The following GABRR1 variants were observed in gnomAD, a reference collection of about 807,000 sequenced individuals.
The protein encoded by GABRR1 is gamma-aminobutyric acid type A receptor subunit rho1, also known as gamma-aminobutyric acid receptor subunit rho-1.
In GABRR1, 59 loss-of-function variants were observed where a neutral mutation model predicts 55.5. The ratio of observed to expected loss-of-function variants is 1.06; its 90% confidence interval spans 0.86 to 1.32. The LOEUF is 1.32. Ranked by LOEUF, GABRR1 falls within the 40% of genes most tolerant of loss-of-function variation. The probability of loss-of-function intolerance (pLI) is 0.00; values close to 1 mark genes in which losing one functional copy is unlikely to be tolerated. For missense variants in GABRR1, 602 were observed against 619.1 expected (o/e 0.97, Z 0.29); for synonymous variants, 213 against 226.0 (o/e 0.94, Z 0.51).
chr6:89,214,414 T>G (rs1241509621), intron 1 of GABRR1, among the ~76,000 whole-genome samples: 1 of 151,406 alleles, frequency 6.6e-6, no homozygotes, highest in Admixed American at 6.6e-5. Context: ...TACATCAAAC[T>G]AAAAAGCTTC....
At chr6:89,186,021 C>T (rs986544716) in intron 6 of GABRR1, among the ~76,000 whole-genome samples, 1 of 152,194 alleles carries the variant, frequency 6.6e-6, no homozygotes, top group Non-Finnish European at 1.5e-5. Context: ...ATGATCATCA[C>T]CCTTTCTGGT....
intron 5 of GABRR1, among the ~76,000 whole-genome samples, chr6:89,192,367 G>C (rs1027534224): frequency 1.3e-5 from 2 of 152,100 alleles, no homozygotes; most frequent in African/African-American, 4.8e-5. Flanking sequence ...TCTGCCCCCA[G>C]AGTGGTCAGA....
Position 89,198,130 on chromosome 6 carries a change from C to T in GABRR1, c.462G>A (p.Trp154Ter). ...AGTGCACGAAAAACATGTCAGGGACCCAGATCTTCTTGACCAGCCGGCCGT... is the reference window on the plus strand; with the variant it reads ...AGTGCACGAAAAACATGTCAGGGACTCAGATCTTCTTGACCAGCCGGCCGT... ...TFDGRLVKKI[W>*]VPDMFFVHSK... The change falls in exon 5 of 10, where the codon TGG (tryptophan) becomes TGA (stop). Residue 154 changes from tryptophan to a stop codon, truncating the protein, a stop_gained. Coordinates refer to ENST00000454853, the MANE Select transcript of GABRR1 (RefSeq NM_002042.5). LOFTEE classifies it high-confidence loss of function. 1 of 1,614,060 alleles carries T rather than the reference C, an allele frequency of 6.2e-7. No homozygotes were observed. Among genetic ancestry groups the T allele is most frequent in the South Asian group, 1.1e-5 (1 of 91,070 alleles).
intron 5 of GABRR1, among the ~76,000 whole-genome samples, chr6:89,196,328 C>T (rs1582388342): frequency 6.7e-6 from 1 of 148,566 alleles, no homozygotes; most frequent in African/African-American, 2.5e-5. Flanking sequence ...CATAGGTATG[C>T]ATACTTTCCC....
intron 1 of GABRR1, among the ~76,000 whole-genome samples, chr6:89,205,177 A>G (rs965940704): frequency 1.3e-5 from 2 of 152,198 alleles, no homozygotes; most frequent in Non-Finnish European, 2.9e-5. Flanking sequence ...CTGAGATACA[A>G]AGACTTTAAA....
At chr6:89,221,989 C>T (rs1207436352), upstream of GABRR1, among the ~76,000 whole-genome samples, 2 of 152,182 alleles carry the variant, frequency 1.3e-5, no homozygotes, top group Non-Finnish European at 2.9e-5. Flanking sequence ...GGAATCTGCT[C>T]CAGGACGAAG....
chr6:89,204,269 C>G (rs1234471728), intron 1 of GABRR1, among the ~76,000 whole-genome samples: 1 of 152,192 alleles, frequency 6.6e-6, no homozygotes, highest in African/African-American at 2.4e-5. Context: ...CACATCAGAA[C>G]AGATGCACAA....
intron 5 of GABRR1, among the ~76,000 whole-genome samples, chr6:89,191,491 A>T (rs767815214): frequency 7.9e-5 from 12 of 152,296 alleles, no homozygotes; most frequent in Non-Finnish European, 1.5e-4. Context: ...GAACAAGGGG[A>T]CTGAATACTC....
At chr6:89,198,324 A>G (rs934733135) in intron 4 of GABRR1, 81 bp from the exon 5 acceptor site, 2 of 1,049,444 alleles carry the variant, frequency 1.9e-6, no homozygotes, top group South Asian at 1.3e-5. Context: ...CTGTGGAGCC[A>G]TCACTTGGCT....
intron 6 of GABRR1, among the ~76,000 whole-genome samples, chr6:89,186,856 C>A (rs1771917388): frequency 6.6e-6 from 1 of 152,246 alleles, no homozygotes; most frequent in African/African-American, 2.4e-5. Context: ...CCTTTCCCCA[C>A]ATTCAGTGCC....
intron 1 of GABRR1, among the ~76,000 whole-genome samples, chr6:89,230,797 C>A (rs945062194): frequency 1.3e-5 from 2 of 151,730 alleles, no homozygotes; most frequent in Non-Finnish European, 2.9e-5. Context: ...CCACCCAGTT[C>A]GAGCTTCCCA....
At chr6:89,209,151 TA>T (rs149738093) in intron 1 of GABRR1, among the ~76,000 whole-genome samples, 3 of 151,540 alleles carry the variant, frequency 2.0e-5, no homozygotes, top group Admixed American at 6.6e-5. Flanking sequence ...GTTGCGGGCT[TA>T]AAAAAAAATC....
intron 1 of GABRR1, among the ~76,000 whole-genome samples, chr6:89,224,268 T>C (rs1167839326): frequency 6.9e-6 from 1 of 145,778 alleles, no homozygotes; most frequent in Non-Finnish European, 1.6e-5. Flanking sequence ...ATTTTTGTAC[T>C]TTTAGTAGAG....
intron 1 of GABRR1, among the ~76,000 whole-genome samples, chr6:89,206,577 C>T (rs1041358620): frequency 6.6e-6 from 1 of 152,096 alleles, no homozygotes; most frequent in Non-Finnish European, 1.5e-5. Context: ...TTCTGACCAT[C>T]CCACTCACTT....
chr6:89,223,637 T>C (rs746811536), intron 1 of GABRR1, among the ~76,000 whole-genome samples: 1 of 152,172 alleles, frequency 6.6e-6, no homozygotes, highest in Admixed American at 6.5e-5. Flanking sequence ...CTGTTTTCCA[T>C]AGTGGTTGTA....
intron 1 of GABRR1, among the ~76,000 whole-genome samples, chr6:89,210,385 G>A (rs1168109677): frequency 1.3e-5 from 2 of 151,658 alleles, no homozygotes; most frequent in African/African-American, 4.8e-5. Flanking sequence ...GTAGAAATGG[G>A]GTTTCACTAT....
chr6:89,225,781 G>T (rs1204178459), intron 1 of GABRR1, among the ~76,000 whole-genome samples: 1 of 123,938 alleles, frequency 8.1e-6, no homozygotes, highest in Admixed American at 7.5e-5. Context: ...TATATACCCA[G>T]TAATGGGATG....
chr6:89,226,584 G>A (rs1773206805), intron 1 of GABRR1, among the ~76,000 whole-genome samples: 1 of 143,738 alleles, frequency 7.0e-6, no homozygotes, highest in African/African-American at 2.6e-5. Context: ...TAGGTATGCG[G>A]CGTTATTTCT....
intron 5 of GABRR1, among the ~76,000 whole-genome samples, chr6:89,192,381 C>T (rs2127795229): frequency 6.6e-6 from 1 of 152,214 alleles, no homozygotes; most frequent in Non-Finnish European, 1.5e-5. Context: ...GGTCAGACAG[C>T]TCTTCTCTCC....
Sources: allele counts gnomAD v4.1 joint callset (sites outside exome capture counted in the v4.1 genomes callset), GRCh38; gene constraint gnomAD v4.1.1; transcripts MANE v1.5; gene names NCBI Gene and HGNC (gene_info 2026-07-23, HGNC 2026-07-21).